The following CNTN3 variants were observed in gnomAD, a reference collection of about 807,000 sequenced individuals.
CNTN3 encodes the protein contactin 3.
A neutral mutation model predicts 119.1 loss-of-function variants in CNTN3; 60 were observed. The observed-to-expected ratio is 0.50, with a 90% CI of 0.41 to 0.62. The LOEUF is 0.62. Ranked by LOEUF, CNTN3 falls within the 20% of genes least tolerant of loss-of-function variation. CNTN3 has a pLI of 0.00. For synonymous variants in CNTN3, 450 were observed against 438.7 expected, an observed-to-expected ratio of 1.03 and a Z score of -0.32; for missense variants, 1,101 against 1,242.4, an observed-to-expected ratio of 0.89 and a Z score of 1.71.
At chr3:74,294,346 A>G (rs775235762) in intron 19 of CNTN3, among the ~76,000 whole-genome samples, 22 of 152,174 alleles carry the variant, frequency 1.4e-4, no homozygotes, top group Non-Finnish European at 1.3e-4. Flanking sequence ...GGTTCTTCTT[A>G]GCCTTTAAAG....
intron 1 of CNTN3, among the ~76,000 whole-genome samples, chr3:74,612,208 G>C (rs2106720441): frequency 6.6e-6 from 1 of 152,264 alleles, no homozygotes; most frequent in African/African-American, 2.4e-5. Flanking sequence ...AAAAGAGAAA[G>C]ATGCATATTT....
At chr3:74,511,531 C>T (rs773070008) in intron 2 of CNTN3, among the ~76,000 whole-genome samples, 3 of 151,874 alleles carry the variant, frequency 2.0e-5, no homozygotes, top group Non-Finnish European at 4.4e-5. Flanking sequence ...ATTAGCCTGG[C>T]GTGGTGGTGT....
intron 20 of CNTN3, among the ~76,000 whole-genome samples, chr3:74,283,460 A>T (rs1702054069): frequency 6.6e-6 from 1 of 152,044 alleles, no homozygotes; most frequent in South Asian, 2.1e-4. Context: ...TTGTAAAGGG[A>T]TTTGGCTTCT....
At chr3:74,461,515 T>C (rs898099616) in intron 4 of CNTN3, among the ~76,000 whole-genome samples, 4 of 152,042 alleles carry the variant, frequency 2.6e-5, no homozygotes, top group African/African-American at 9.7e-5. Flanking sequence ...TGGTGCTACA[T>C]ACTTTCTAGG....
chr3:74,471,107 C>T (rs1702553691), intron 4 of CNTN3, among the ~76,000 whole-genome samples: 1 of 152,080 alleles, frequency 6.6e-6, no homozygotes, highest in Admixed American at 6.5e-5. Flanking sequence ...GATCTCTTGA[C>T]ATTGTGATCC....
intron 1 of CNTN3, among the ~76,000 whole-genome samples, chr3:74,591,109 T>TAAA (rs1704695315): frequency 6.6e-6 from 1 of 151,944 alleles, no homozygotes; most frequent in Admixed American, 6.6e-5. Flanking sequence ...ATTTACAGAG[T>TAAA]AAAACAACAG....
At chr3:74,329,773 G>C (rs1178547018) in intron 13 of CNTN3, among the ~76,000 whole-genome samples, 2 of 152,142 alleles carry the variant, frequency 1.3e-5, no homozygotes, top group Non-Finnish European at 2.9e-5. Flanking sequence ...AAATAATGGA[G>C]TAAAATTCAT....
intron 1 of CNTN3, among the ~76,000 whole-genome samples, chr3:74,603,088 C>G (rs949076048): frequency 6.6e-5 from 10 of 152,120 alleles, no homozygotes; most frequent in Non-Finnish European, 1.0e-4. Flanking sequence ...TTGGCTACCT[C>G]TCTTGATCTC....
At chr3:74,600,030 T>C (rs1704882577) in intron 1 of CNTN3, among the ~76,000 whole-genome samples, 1 of 151,772 alleles carries the variant, frequency 6.6e-6, no homozygotes, top group Non-Finnish European at 1.5e-5. Context: ...GCACAGTTGG[T>C]TGATGACAGT....
chr3:74,420,276 A>C (rs1454961372), intron 5 of CNTN3, among the ~76,000 whole-genome samples: 1 of 152,196 alleles, frequency 6.6e-6, no homozygotes, highest in African/African-American at 2.4e-5. Context: ...ATAGATGGCA[A>C]ATGCTCTTAT....
intron 5 of CNTN3, 134 bp from the exon 6 acceptor site, chr3:74,371,533 G>C (rs1213916124): frequency 1.6e-6 from 1 of 641,960 alleles, no homozygotes; most frequent in Non-Finnish European, 2.7e-6. Context: ...GCCATGAAGA[G>C]AAGCAGTTAA....
chr3:74,457,112 C>T (rs1216755694), intron 4 of CNTN3, among the ~76,000 whole-genome samples: 1 of 151,822 alleles, frequency 6.6e-6, no homozygotes, highest in Admixed American at 6.6e-5. Flanking sequence ...CATTAATGGT[C>T]TATTTTGTTT....
At chr3:74,487,704 A>G (rs1199230652) in intron 3 of CNTN3, among the ~76,000 whole-genome samples, 1 of 152,144 alleles carries the variant, frequency 6.6e-6, no homozygotes, top group Non-Finnish European at 1.5e-5. Flanking sequence ...TATATACAAT[A>G]TTTAACCTGC....
At chr3:74,372,137 C>A (rs1704356306) in intron 5 of CNTN3, among the ~76,000 whole-genome samples, 1 of 152,098 alleles carries the variant, frequency 6.6e-6, no homozygotes, top group Admixed American at 6.6e-5. Context: ...ATGTAACATT[C>A]TGCTTACTTG....
intron 18 of CNTN3, among the ~76,000 whole-genome samples, chr3:74,295,678 TC>T (rs1702324066): frequency 6.6e-6 from 1 of 152,168 alleles, no homozygotes; most frequent in Non-Finnish European, 1.5e-5. Context: ...GAGTACCCTG[TC>T]TAGAGAGGCC....
chr3:74,525,257 T>C (rs189016706), intron 1 of CNTN3, among the ~76,000 whole-genome samples: 3 of 151,992 alleles, frequency 2.0e-5, no homozygotes, highest in Admixed American at 2.0e-4. Context: ...TATGTTAATA[T>C]CATATAATAT....
At chr3:74,368,986 T>C (rs916573748) in intron 8 of CNTN3, among the ~76,000 whole-genome samples, 4 of 152,112 alleles carry the variant, frequency 2.6e-5, no homozygotes, top group African/African-American at 4.8e-5. Context: ...AAAATGAATA[T>C]ATTATGTCGC....
chr3:74,430,154 G>T (rs866184291), intron 4 of CNTN3, among the ~76,000 whole-genome samples: 6 of 152,156 alleles, frequency 3.9e-5, no homozygotes, highest in South Asian at 2.1e-4. Context: ...TTATCCTAGA[G>T]AAATGAAAAC....
At chr3:74,408,967 A>G (rs1398249845) in intron 5 of CNTN3, among the ~76,000 whole-genome samples, 1 of 152,158 alleles carries the variant, frequency 6.6e-6, no homozygotes, top group Admixed American at 6.6e-5. Flanking sequence ...TTTCAAGTGT[A>G]AAGGTTCTCT....
Sources: allele counts gnomAD v4.1 joint callset (sites outside exome capture counted in the v4.1 genomes callset), GRCh38; gene constraint gnomAD v4.1.1; transcripts MANE v1.5; gene names NCBI Gene and HGNC (gene_info 2026-07-23, HGNC 2026-07-21).